The following MAP1B variants were observed in gnomAD, a reference collection of about 807,000 sequenced individuals.
MAP1B encodes microtubule-associated protein 1B.
A neutral mutation model predicts 176.1 loss-of-function variants in MAP1B; 12 were observed. The ratio of observed to expected loss-of-function variants is 0.07; its 90% CI spans 0.04 to 0.11. MAP1B has a LOEUF of 0.11. MAP1B is among the 10% of genes least tolerant of loss of function. The pLI is 1.00. For missense variants in MAP1B, 2,523 were observed against 2,990.5 expected (o/e 0.84, Z 3.65); for synonymous variants, 1,044 against 1,135.0 (o/e 0.92, Z 1.61).
chr5:72,161,651 T>C (rs1040048252), intron 2 of MAP1B, among the ~76,000 whole-genome samples: 3 of 152,000 alleles, frequency 2.0e-5, no homozygotes, highest in African/African-American at 7.3e-5. Flanking sequence ...GCTGAAAACA[T>C]AGGTGTTGAA....
In MAP1B at chr5:72,199,136, G is replaced by A. The variant is rs772134938; in HGVS notation, c.5781G>A (p.Gly1927=). Residue 1927 remains glycine (G), a synonymous_variant, in exon 5 of 7, where the codon GGG becomes GGA. Transcript: ENST00000296755. The surrounding 1 kb of genome is among the most constrained non-coding windows in gnomAD (Gnocchi z 4.2). ...SDSGYSYETI[G]KTTKTPEDGD... ...GTGGCTACTCCTATGAGACCATTGG[G>A]AAAACTACCAAGACCCCTGAAGATG... is the stretch of plus-strand genomic sequence containing the variant. 164 of 1,613,984 alleles carry A rather than the reference G, an allele frequency of 1.0e-4. No individual in the cohort carries two copies. Among genetic ancestry groups the A allele is most frequent in the Non-Finnish European group, 1.3e-4 (151 of 1,180,038 alleles).
At position 72,208,942 on chromosome 5, in the gene MAP1B, G is replaced by C. The variant is rs1274862181; in HGVS notation, c.*3703G>C. ...AGAAGAAAAGATCCTGTTTCCATTT[G>C]AAAGGAACTGTAAGCTTTTATCTTT... On this transcript the variant is annotated 3_prime_UTR_variant, in exon 7 of 7. Transcript: ENST00000296755. 6.6e-6 allele frequency: 1 copy of C among 151,856 alleles called. No homozygotes were observed. Among genetic ancestry groups the C allele is most frequent in the Admixed American group, 6.6e-5 (1 of 15,248 alleles). The allele number at this position is 151,856 out of a possible 1,614,324, so 9.4% of individuals were successfully genotyped here.
At chr5:72,167,789 T>A (rs1030128690) in intron 2 of MAP1B, among the ~76,000 whole-genome samples, 2 of 152,226 alleles carry the variant, frequency 1.3e-5, no homozygotes, top group African/African-American at 4.8e-5. Flanking sequence ...TCATTTTTTT[T>A]AAATAAAAAA....
intron 2 of MAP1B, among the ~76,000 whole-genome samples, chr5:72,171,558 C>T (rs1313488836): frequency 6.6e-6 from 1 of 152,102 alleles, no homozygotes; most frequent in Non-Finnish European, 1.5e-5. Flanking sequence ...CCACTGCACT[C>T]CAGCCTGGGT....
At chr5:72,201,192 G>A (rs1163849083) in intron 5 of MAP1B, among the ~76,000 whole-genome samples, 1 of 150,022 alleles carries the variant, frequency 6.7e-6, no homozygotes, top group Non-Finnish European at 1.5e-5. Flanking sequence ...GCAAGACCCT[G>A]TCTCCACAAA....
intron 2 of MAP1B, among the ~76,000 whole-genome samples, chr5:72,162,906 G>T (rs1746352618): frequency 6.6e-6 from 1 of 152,108 alleles, no homozygotes; most frequent in Non-Finnish European, 1.5e-5. Context: ...TTTAAAGTTT[G>T]TCATGAGGGG....
At chr5:72,116,508 T>A in intron 2 of MAP1B, 2 of 384,952 alleles carry the variant, frequency 5.2e-6, no homozygotes, top group South Asian at 4.0e-5. Flanking sequence ...CCAGCCACCT[T>A]CCTGGGGCTA....
chr5:72,194,294 G>A lies in MAP1B; in HGVS notation c.939G>A (p.Gly313=). The stretch of plus-strand genomic sequence containing the variant: ...ACTCCATCCTGCTCACCCACATTGG[G>A]GATGACAATTTGCCTGGAATAAACA... The part of the protein sequence containing the change: ...RVDSILLTHI[G]DDNLPGINSM... Residue 313 remains glycine, a synonymous_variant, in exon 5 of 7, where the codon GGG becomes GGA. Transcript: ENST00000296755. The surrounding 1 kb of genome is among the most constrained non-coding windows in gnomAD (Gnocchi z 7.2). 4 of 1,614,196 alleles carry A rather than the reference G, an allele frequency of 2.5e-6. No individual in the cohort carries two copies. The highest frequency in any genetic ancestry group is 2.5e-6 in the Non-Finnish European group (3 of 1,180,050).
At chr5:72,111,451 A>T (rs1276452430) in intron 1 of MAP1B, among the ~76,000 whole-genome samples, 1 of 152,318 alleles carries the variant, frequency 6.6e-6, no homozygotes, top group Admixed American at 6.5e-5. Flanking sequence ...ACATTGTTAC[A>T]TTCTGATGTC....
At chr5:72,153,897 T>C (rs956329754) in intron 2 of MAP1B, among the ~76,000 whole-genome samples, 2 of 151,902 alleles carry the variant, frequency 1.3e-5, no homozygotes, top group African/African-American at 4.8e-5. Context: ...TTTTAGGATG[T>C]TCATTTAAAA....
chr5:72,199,295 T>G lies in MAP1B; in HGVS notation c.5940T>G (p.Ser1980=). 1 of 1,614,142 alleles carries G rather than the reference T, an allele frequency of 6.2e-7. No individual in the cohort carries two copies. Among genetic ancestry groups the G allele is most frequent in the East Asian group, 2.2e-5 (1 of 44,880 alleles). Residue 1980 remains serine (S), a synonymous_variant, in exon 5 of 7, where the codon TCT becomes TCG. Transcript: ENST00000296755. This position sits in a 1 kb window ranked among gnomAD's most constrained non-coding sequence, Gnocchi z 4.2. ...ACAGCTATGAAAAGACTGAGAGGTC[T>G]AGAAGGCTTCTGGATGACATCAGCA... ...SGYSYEKTER[S]RRLLDDISNG... is the part of the protein sequence containing the mutation.
chr5:72,115,677 T>G (rs770869624), intron 1 of MAP1B, 21 bp from the exon 2 acceptor site: 1 of 1,371,672 alleles, frequency 7.3e-7, no homozygotes, highest in East Asian at 2.3e-5. Flanking sequence ...GTCTCTCAAC[T>G]GTCTTTCTTT....
intron 2 of MAP1B, among the ~76,000 whole-genome samples, chr5:72,126,031 G>A (rs1040842301): frequency 1.3e-5 from 2 of 152,212 alleles, no homozygotes; most frequent in Admixed American, 6.5e-5. Flanking sequence ...AAAGTGAAAT[G>A]TTTTAAGGAA....
At position 72,107,645 on chromosome 5, in the gene MAP1B, C is replaced by T. The variant is rs1470514729; in HGVS notation, c.114C>T (p.Tyr38=). 1.2e-6 allele frequency: 2 copies of T among 1,600,474 alleles called. No individual in the cohort carries two copies. Among genetic ancestry groups the T allele is most frequent in the South Asian group, 2.2e-5 (2 of 91,030 alleles). The change falls in exon 1 of 7, where the codon TAC becomes TAT. Residue 38 remains tyrosine (Y), a synonymous_variant. Transcript: ENST00000296755. Reference sequence around the variant, plus strand: ...ACCGCTTCCTTGACAGCAAGTTCTACTTGCTGGTGGTCGTCGGCGAGATCG... The same window carrying T: ...ACCGCTTCCTTGACAGCAAGTTCTATTTGCTGGTGGTCGTCGGCGAGATCG... ...LSHRFLDSKF[Y]LLVVVGEIVT... is the part of the protein sequence containing the mutation.
At chr5:72,118,571 C>T (rs1339969183) in intron 2 of MAP1B, among the ~76,000 whole-genome samples, 1 of 151,912 alleles carries the variant, frequency 6.6e-6, no homozygotes, top group Non-Finnish European at 1.5e-5. Flanking sequence ...AAAATCTAGC[C>T]CCCTGCATCA....
intron 4 of MAP1B, among the ~76,000 whole-genome samples, chr5:72,190,013 A>G (rs1746992257): frequency 6.6e-6 from 1 of 152,230 alleles, no homozygotes; most frequent in Admixed American, 6.5e-5. Context: ...GGAGCCAGTA[A>G]GGGAGACTTG....
Position 72,186,724 on chromosome 5 carries a change from G to A in MAP1B, c.480G>A (p.Gln160=). The A allele has an allele frequency of 6.2e-7, 1 of 1,614,108 alleles. No individual in the cohort carries two copies. The highest frequency in any genetic ancestry group is 8.5e-7 in the Non-Finnish European group (1 of 1,180,038). Residue 160 remains glutamine, a synonymous_variant, in exon 4 of 7, where the codon CAG becomes CAA. Transcript: ENST00000296755. The surrounding 1 kb of genome is among the most constrained non-coding windows in gnomAD (Gnocchi z 4.3). Reference sequence around the variant, plus strand: ...TCCAGTCCGGCTCTTTCTCCTTCCAGAACTTCATAGAGATTTTCACCGATC... The same window carrying A: ...TCCAGTCCGGCTCTTTCTCCTTCCAAAACTTCATAGAGATTTTCACCGATC... The part of the protein sequence containing the change: ...LILQSGSFSF[Q]NFIEIFTDQE...
intron 2 of MAP1B, among the ~76,000 whole-genome samples, chr5:72,123,665 T>C (rs1167359304): frequency 6.6e-6 from 1 of 152,132 alleles, no homozygotes; most frequent in Non-Finnish European, 1.5e-5. Flanking sequence ...TTTGTATTTT[T>C]AGTAGAGACA....
At chr5:72,181,745 G>T (rs532308314) in intron 2 of MAP1B, among the ~76,000 whole-genome samples, 1 of 139,320 alleles carries the variant, frequency 7.2e-6, no homozygotes, top group Non-Finnish European at 1.5e-5. Context: ...TTTTTGAGAC[G>T]GAGTCTCGCA....
Sources: gnomAD v4.1 joint callset for allele counts (sites outside exome capture counted in the v4.1 genomes callset) on GRCh38, gnomAD v4.1.1 for gene constraint, Gnocchi (gnomAD v3.1) non-coding constraint, MANE v1.5 for transcripts, NCBI Gene and HGNC (gene_info 2026-07-23, HGNC 2026-07-21) for gene names.